Variants in ARMC3 observed in about 807,000 individuals in gnomAD.
The protein encoded by ARMC3 is armadillo repeat containing 3.
In ARMC3, 74 loss-of-function variants were observed where a neutral mutation model predicts 90.3. The observed-to-expected ratio is 0.82, with a 90% confidence interval of 0.68 to 0.99. ARMC3 has a LOEUF of 0.99. ARMC3 is among the 50% of genes least tolerant of loss of function. ARMC3 has a pLI of 0.00. For synonymous variants in ARMC3, 334 were observed against 361.8 expected, an observed-to-expected ratio of 0.92 and a Z score of 0.87; for missense variants, 958 against 1,042.8, an observed-to-expected ratio of 0.92 and a Z score of 1.12.
chr10:22,942,339 T>C (rs1238349538), intron 2 of ARMC3, among the ~76,000 whole-genome samples: 1 of 151,998 alleles, frequency 6.6e-6, no homozygotes, highest in Non-Finnish European at 1.5e-5. Context: ...TAGAGAAAAA[T>C]TAATGTATTC....
intron 16 of ARMC3, among the ~76,000 whole-genome samples, chr10:23,012,384 A>G (rs903294092): frequency 1.3e-5 from 2 of 152,004 alleles, no homozygotes; most frequent in African/African-American, 4.8e-5. Context: ...GTAAATATCA[A>G]TGTTCTCCAG....
chr10:22,959,908 G>A, intron 6 of ARMC3: 1 of 466,428 alleles, frequency 2.1e-6, no homozygotes, highest in Non-Finnish European at 4.2e-6. Context: ...CTGAACCCTG[G>A]TGGTCTAAGC....
intron 18 of ARMC3, among the ~76,000 whole-genome samples, chr10:23,035,151 T>C (rs1324142512): frequency 6.6e-6 from 1 of 152,172 alleles, no homozygotes; most frequent in African/African-American, 2.4e-5. Context: ...TCTTGCTGTA[T>C]CCTCAAATGG....
Position 22,981,381 on chromosome 10 carries a change from T to G in ARMC3, c.958T>G (p.Cys320Gly). ...TTTTCATGAACAAGAGGTTGAAAAG[T>G]GCCTTGTAGCCCTTTTGGGTTCTGA... Reference protein sequence around the residue: ...KLFHEQEVEKCLVALLGSEND... With the variant: ...KLFHEQEVEKGLVALLGSEND... The change falls in exon 9 of 19, where the codon TGC (cysteine) becomes GGC (glycine). Residue 320 changes from cysteine to glycine, a missense_variant. By Grantham distance (159) the Cys-to-Gly change is radical. Coordinates refer to ENST00000298032, the MANE Select transcript of ARMC3 (RefSeq NM_173081.5). 6.2e-7 allele frequency: 1 copy of G among 1,612,052 alleles called. No individual in the cohort carries two copies.
chr10:22,954,509 G>GAA (rs1246053718), intron 3 of ARMC3, among the ~76,000 whole-genome samples: 5 of 136,184 alleles, frequency 3.7e-5, no homozygotes, highest in African/African-American at 1.3e-4. Context: ...AAAAAAATTC[G>GAA]AAAAAAAAAA....
chr10:22,986,822 G>A (rs1387398135), intron 10 of ARMC3, among the ~76,000 whole-genome samples: 2 of 152,030 alleles, frequency 1.3e-5, no homozygotes, highest in Non-Finnish European at 2.9e-5. Context: ...ACAGAATAAA[G>A]ATAACTTAAA....
intron 10 of ARMC3, among the ~76,000 whole-genome samples, chr10:22,988,856 G>C (rs1159167752): frequency 6.6e-6 from 1 of 152,170 alleles, no homozygotes; most frequent in African/African-American, 2.4e-5. Flanking sequence ...TACTAAAGAA[G>C]CATTGACCAT....
At chr10:23,033,045 A>G (rs375487805) in intron 18 of ARMC3, 22 bp downstream of exon 18, 1 of 1,607,276 alleles carries the variant, frequency 6.2e-7, no homozygotes, top group Non-Finnish European at 8.5e-7. Flanking sequence ...ATTTTGCCTC[A>G]TTTGCCATTA....
At chr10:22,975,696 T>C (rs1835890759) in intron 8 of ARMC3, among the ~76,000 whole-genome samples, 1 of 152,204 alleles carries the variant, frequency 6.6e-6, no homozygotes. Flanking sequence ...TTTGAAAATT[T>C]TGCCGAAATA....
At chr10:22,956,432 G>A (rs113130341) in intron 4 of ARMC3, among the ~76,000 whole-genome samples, 10 of 151,980 alleles carry the variant, frequency 6.6e-5, no homozygotes, top group African/African-American at 2.2e-4. Flanking sequence ...GTGAAACCCC[G>A]TCTCTACTAA....
At chr10:22,988,022 G>A (rs1329108455) in intron 10 of ARMC3, among the ~76,000 whole-genome samples, 1 of 152,198 alleles carries the variant, frequency 6.6e-6, no homozygotes, top group East Asian at 1.9e-4. Flanking sequence ...ACTCCAAAGG[G>A]ACTCCACAAA....
At chr10:22,986,274 G>T (rs1765586880) in intron 10 of ARMC3, among the ~76,000 whole-genome samples, 1 of 151,978 alleles carries the variant, frequency 6.6e-6, no homozygotes, top group South Asian at 2.1e-4. Flanking sequence ...AAAATGGCCG[G>T]GCAAAGGTGG....
At position 22,961,907 on chromosome 10, in the gene ARMC3, T is replaced by A; in HGVS notation, c.561T>A (p.Leu187=). Residue 187 remains leucine (L), a synonymous_variant, in exon 7 of 19, where the codon CTT becomes CTA. Transcript: ENST00000298032. ...LVQDFQCRAK[L]QELNAIPPIL... The stretch of plus-strand genomic sequence containing the variant: ...AGGATTTTCAGTGTCGAGCTAAACT[T>A]CAAGAACTAAATGCAATACCTCCTA... 1 of 1,606,316 alleles carries A rather than the reference T, an allele frequency of 6.2e-7. No homozygotes were observed.
At chr10:22,991,375 G>A (rs952034567) in intron 10 of ARMC3, among the ~76,000 whole-genome samples, 15 of 152,050 alleles carry the variant, frequency 9.9e-5, no homozygotes, top group Admixed American at 6.5e-5. Flanking sequence ...GTGATCCGTC[G>A]GTACAGCTGT....
At chr10:22,970,024 A>G (rs1183063084) in intron 8 of ARMC3, among the ~76,000 whole-genome samples, 1 of 152,148 alleles carries the variant, frequency 6.6e-6, no homozygotes, top group South Asian at 2.1e-4. Flanking sequence ...TCTCCAGAAC[A>G]ATGTATATAT....
intron 10 of ARMC3, among the ~76,000 whole-genome samples, chr10:22,984,702 G>A (rs562690449): frequency 9.2e-5 from 14 of 152,236 alleles, no homozygotes; most frequent in Non-Finnish European, 1.5e-4. Flanking sequence ...GAAGTAATCT[G>A]ATCATCACCT....
At chr10:22,998,884 G>A (rs1442499124) in intron 11 of ARMC3, among the ~76,000 whole-genome samples, 6 of 152,182 alleles carry the variant, frequency 3.9e-5, no homozygotes, top group Admixed American at 6.5e-5. Context: ...ACGTTCAAAA[G>A]TATGCAAAGC....
chr10:22,930,162 G>T lies in ARMC3; in HGVS notation c.-1-1834G>T, dbSNP rs377388377. On this transcript the variant is annotated intron_variant, in intron 1 of 18. Coordinates refer to ENST00000298032, the MANE Select transcript of ARMC3 (RefSeq NM_173081.5). ...TTTTTTTCCTAGAGATTAATTGTAG[G>T]ATAGATTCTCATTTGCCCAGAATAG... Among the ~76,000 whole-genome samples, 34 of 151,950 alleles carry T rather than the reference G, an allele frequency of 2.2e-4. No homozygotes were observed. In the East Asian group the frequency reaches 6.4e-3, roughly 29 times the overall value.
intron 10 of ARMC3, among the ~76,000 whole-genome samples, chr10:22,995,022 G>T (rs1756817715): frequency 6.6e-6 from 1 of 152,090 alleles, no homozygotes; most frequent in African/African-American, 2.4e-5. Context: ...TCAAATTATT[G>T]TGATGACATA....
Sources: gnomAD v4.1 joint callset for allele counts (sites outside exome capture counted in the v4.1 genomes callset) on GRCh38, gnomAD v4.1.1 for gene constraint, MANE v1.5 for transcripts, NCBI Gene and HGNC (gene_info 2026-07-23, HGNC 2026-07-21) for gene names.